Variants in DNAJC11 observed in about 807,000 individuals in gnomAD.
DNAJC11 encodes dnaJ homolog subfamily C member 11.
A neutral mutation model predicts 78.6 loss-of-function variants in DNAJC11; 15 were observed. The ratio of observed to expected loss-of-function variants is 0.19; its 90% CI spans 0.13 to 0.29. DNAJC11 has a LOEUF of 0.29. Ranked by LOEUF, DNAJC11 falls within the 10% of genes least tolerant of loss-of-function variation. The probability of loss-of-function intolerance (pLI) is 1.00; values close to 1 mark genes in which losing one functional copy is unlikely to be tolerated. For missense variants in DNAJC11, 547 were observed against 709.6 expected (o/e 0.77, Z 2.60); for synonymous variants, 292 against 272.1 (o/e 1.07, Z -0.72).
At chr1:6,644,973 A>G in intron 9 of DNAJC11, 68 bp downstream of exon 9, 2 of 1,434,774 alleles carry the variant, frequency 1.4e-6, no homozygotes, top group Non-Finnish European at 9.8e-7. Context: ...TCTTACACCA[A>G]CTGGTTCCAC....
chr1:6,667,141 A>T (rs1642305996), intron 4 of DNAJC11, among the ~76,000 whole-genome samples: 1 of 152,210 alleles, frequency 6.6e-6, no homozygotes, highest in Non-Finnish European at 1.5e-5. Flanking sequence ...GATCTGGGAC[A>T]CCGATGCTGC....
chr1:6,637,407 C>T (rs1298856902), intron 13 of DNAJC11, 40 bp downstream of exon 13: 2 of 1,614,062 alleles, frequency 1.2e-6, no homozygotes, highest in African/African-American at 2.7e-5. Context: ...TAGAGACCCC[C>T]AGCGCCCACC....
At chr1:6,699,754 T>C (rs577490507) in intron 1 of DNAJC11, among the ~76,000 whole-genome samples, 7 of 150,622 alleles carry the variant, frequency 4.6e-5, no homozygotes, top group Non-Finnish European at 8.8e-5. Context: ...AAAGTATAAT[T>C]TAAAAAAAAA....
At chr1:6,638,747 G>T (rs1323616465) in intron 11 of DNAJC11, among the ~76,000 whole-genome samples, 1 of 152,158 alleles carries the variant, frequency 6.6e-6, no homozygotes, top group African/African-American at 2.4e-5. Flanking sequence ...GGCTAGTCTC[G>T]AACTCCTGGG....
chr1:6,678,593 A>T, intron 2 of DNAJC11, 126 bp from the exon 3 acceptor site: 1 of 735,210 alleles, frequency 1.4e-6, no homozygotes. Flanking sequence ...CTTCCTAGAG[A>T]CCCCTTTCAT....
chr1:6,643,518 G>A (rs1000801862), intron 10 of DNAJC11, among the ~76,000 whole-genome samples: 9 of 151,794 alleles, frequency 5.9e-5, no homozygotes, highest in East Asian at 1.9e-4. Context: ...CTCGTGATCT[G>A]CCCGCCTTGG....
intron 4 of DNAJC11, among the ~76,000 whole-genome samples, chr1:6,660,651 C>T (rs1408849186): frequency 1.3e-5 from 2 of 152,160 alleles, no homozygotes; most frequent in African/African-American, 4.8e-5. Flanking sequence ...ACCTCCAACC[C>T]ACAAAATTGC....
At chr1:6,695,006 C>T (rs960165214) in intron 1 of DNAJC11, among the ~76,000 whole-genome samples, 4 of 143,718 alleles carry the variant, frequency 2.8e-5, no homozygotes, top group Admixed American at 7.1e-5. Flanking sequence ...ATCAGCTGGG[C>T]GTGGTGGCAG....
rs746096002 is a variant in DNAJC11 at position 6,645,141 on chromosome 1, G to C, written c.895-15C>G. ...GGGATTCCCAGCTGGGGAGACAGAG[G>C]GTGCAAGGATGCGTGGCTAGGGCGT... On this transcript the variant is annotated splice_polypyrimidine_tract_variant and intron_variant, in intron 8 of 15. Transcript: ENST00000377577. This position sits in a 1 kb window ranked among gnomAD's most constrained non-coding sequence, Gnocchi z 4.1. 2 of 1,604,530 alleles carry C rather than the reference G, an allele frequency of 1.2e-6. No individual in the cohort carries two copies. Among genetic ancestry groups the C allele is most frequent in the Non-Finnish European group, 8.5e-7 (1 of 1,172,000 alleles).
chr1:6,687,050 G>T (rs906061265), intron 1 of DNAJC11, among the ~76,000 whole-genome samples: 1 of 152,208 alleles, frequency 6.6e-6, no homozygotes, highest in Admixed American at 6.5e-5. Flanking sequence ...ATAAAAACCT[G>T]CAGTGTTTAT....
chr1:6,634,297 C>G lies in DNAJC11; in HGVS notation c.*1378G>C. The G allele has an allele frequency of 1.1e-6, 1 of 912,652 alleles. No individual in the cohort carries two copies. Among genetic ancestry groups the G allele is most frequent in the Non-Finnish European group, 1.6e-6 (1 of 623,838 alleles). 56.5% of individuals were successfully genotyped at this position (912,652 alleles called of 1,614,324 possible). ...GGGAAGCCCGGGGCCCAGGCTCATG[C>G]AACACGACGCTCACCGCGGCTCGGG... On this transcript the variant is annotated 3_prime_UTR_variant, in exon 16 of 16. Coordinates refer to ENST00000377577, the MANE Select transcript of DNAJC11 (RefSeq NM_018198.4).
intron 4 of DNAJC11, among the ~76,000 whole-genome samples, chr1:6,657,718 C>G (rs907414614): frequency 6.6e-6 from 1 of 152,198 alleles, no homozygotes; most frequent in Non-Finnish European, 1.5e-5. Flanking sequence ...GATCTCGGCT[C>G]GCTGCAAGCT....
At chr1:6,665,887 G>C (rs148359641) in intron 4 of DNAJC11, among the ~76,000 whole-genome samples, 1 of 152,092 alleles carries the variant, frequency 6.6e-6, no homozygotes, top group Non-Finnish European at 1.5e-5. Context: ...TGCCAATACC[G>C]ACCTTCCAAG....
intron 3 of DNAJC11, among the ~76,000 whole-genome samples, chr1:6,674,493 A>T (rs1047670369): frequency 2.0e-5 from 3 of 152,124 alleles, no homozygotes; most frequent in Non-Finnish European, 4.4e-5. Flanking sequence ...CCCCGGAAGC[A>T]GAGGTTGCAG....
intron 7 of DNAJC11, among the ~76,000 whole-genome samples, chr1:6,647,639 G>A (rs985931253): frequency 6.6e-6 from 1 of 151,308 alleles, no homozygotes; most frequent in Non-Finnish European, 1.5e-5. Context: ...CCAACATGGT[G>A]AAACCCCGTC....
Position 6,680,970 on chromosome 1 carries a change from CTG to C in DNAJC11, c.138_139del (p.His46GlnfsTer14). 6.2e-7 allele frequency: 1 copy of C among 1,614,162 alleles called. No homozygotes were observed. Among genetic ancestry groups the C allele is most frequent in the Non-Finnish European group, 8.5e-7 (1 of 1,180,012 alleles). On this transcript the variant is annotated frameshift_variant, in exon 2 of 16. Coordinates refer to ENST00000377577, the MANE Select transcript of DNAJC11 (RefSeq NM_018198.4). LOFTEE classifies it high-confidence loss of function. The surrounding 1 kb of genome is among the most constrained non-coding windows in gnomAD (Gnocchi z 4.0). The stretch of plus-strand genomic sequence containing the variant: ...CGCCTGTGACTTGAGCTCTGGGTCT[CTG>C]TGCTTGTCTGGATGGTAGAGCATAC...
intron 1 of DNAJC11, among the ~76,000 whole-genome samples, chr1:6,699,934 C>G (rs1642898845): frequency 6.6e-6 from 1 of 152,270 alleles, no homozygotes. Context: ...TGCTCAGTAT[C>G]AAGCCTCTGA....
At chr1:6,662,632 G>GCT (rs1370132544) in intron 4 of DNAJC11, among the ~76,000 whole-genome samples, 1 of 152,066 alleles carries the variant, frequency 6.6e-6, no homozygotes, top group African/African-American at 2.4e-5. Context: ...ACCAATCAGT[G>GCT]CTCTGTGGCT....
chr1:6,650,947 GAAGA>G (rs1247639989), intron 7 of DNAJC11: 53 of 426,944 alleles, frequency 1.2e-4, no homozygotes, highest in Non-Finnish European at 2.4e-4. Flanking sequence ...TCTTCCTCTG[GAAGA>G]AAGAGGTATT....
Sources: allele counts gnomAD v4.1 joint callset (sites outside exome capture counted in the v4.1 genomes callset), GRCh38; gene constraint gnomAD v4.1.1; non-coding constraint Gnocchi (gnomAD v3.1); transcripts MANE v1.5; gene names NCBI Gene and HGNC (gene_info 2026-07-23, HGNC 2026-07-21).